Variants in SLC6A11 observed in about 807,000 individuals in gnomAD.
The protein encoded by SLC6A11 is solute carrier family 6 member 11, also known as sodium- and chloride-dependent GABA transporter 3.
A neutral mutation model predicts 74.8 loss-of-function variants in SLC6A11; 25 were observed. That is an observed-to-expected ratio of 0.33 (90% CI 0.24 to 0.47). The LOEUF (loss-of-function observed/expected upper bound fraction) is 0.47. SLC6A11 is among the 20% of genes least tolerant of loss of function. The probability of loss-of-function intolerance (pLI) is 1.00; values close to 1 mark genes in which losing one functional copy is unlikely to be tolerated. For missense variants in SLC6A11, 574 were observed against 837.0 expected (o/e 0.69, Z 3.88); for synonymous variants, 330 against 330.2 (o/e 1.00, Z 0.01).
intron 7 of SLC6A11, among the ~76,000 whole-genome samples, chr3:10,916,798 C>G (rs1338752416): frequency 6.6e-6 from 1 of 152,106 alleles, no homozygotes; most frequent in Non-Finnish European, 1.5e-5. Flanking sequence ...TTCTGTTATC[C>G]AAGCACCTTG....
chr3:10,833,899 G>A (rs1378718650), intron 4 of SLC6A11, among the ~76,000 whole-genome samples: 1 of 152,224 alleles, frequency 6.6e-6, no homozygotes, highest in East Asian at 1.9e-4. Flanking sequence ...GTATAGAACA[G>A]GAAGCAGCAA....
At chr3:10,830,060 G>GA (rs1205364699) in intron 4 of SLC6A11, among the ~76,000 whole-genome samples, 99 of 147,764 alleles carry the variant, frequency 6.7e-4, no homozygotes, top group East Asian at 3.7e-3. Context: ...TGGGAAGTAG[G>GA]AAAAAAAAAA....
intron 6 of SLC6A11, among the ~76,000 whole-genome samples, chr3:10,903,616 G>T (rs974741656): frequency 5.3e-5 from 8 of 152,186 alleles, no homozygotes; most frequent in East Asian, 1.9e-4. Context: ...TGCTTATGGT[G>T]CGGGGAAGAG....
chr3:10,819,969 A>G, intron 3 of SLC6A11, 117 bp downstream of exon 3: 1 of 1,114,324 alleles, frequency 9.0e-7, no homozygotes, highest in Non-Finnish European at 1.3e-6. Context: ...CCAGTTTTCT[A>G]GGGTAGTCTT....
At chr3:10,876,784 G>GAA (rs1188533364) in intron 6 of SLC6A11, among the ~76,000 whole-genome samples, 4 of 78,082 alleles carry the variant, frequency 5.1e-5, no homozygotes, top group Non-Finnish European at 6.9e-5. Context: ...GAGAGAGAGA[G>GAA]AAAAAAAAAA....
At chr3:10,893,936 T>G (rs1322617241) in intron 6 of SLC6A11, among the ~76,000 whole-genome samples, 1 of 152,200 alleles carries the variant, frequency 6.6e-6, no homozygotes, top group Non-Finnish European at 1.5e-5. Flanking sequence ...ATTCTTAGTT[T>G]TACAGCTCAA....
At chr3:10,824,744 G>T (rs752741757) in intron 4 of SLC6A11, 2 of 152,160 alleles carry the variant, frequency 1.3e-5, no homozygotes, top group African/African-American at 4.8e-5. Flanking sequence ...TGGTCCTCTT[G>T]ATGGGCATTT....
At chr3:10,877,632 T>C (rs1029029760) in intron 6 of SLC6A11, among the ~76,000 whole-genome samples, 12 of 152,208 alleles carry the variant, frequency 7.9e-5, no homozygotes, top group African/African-American at 2.7e-4. Flanking sequence ...ATCACATTGC[T>C]ATACAAATGG....
At chr3:10,868,747 A>G (rs1269856737) in intron 5 of SLC6A11, among the ~76,000 whole-genome samples, 1 of 152,242 alleles carries the variant, frequency 6.6e-6, no homozygotes, top group African/African-American at 2.4e-5. Flanking sequence ...ATAGTTCAGC[A>G]TAATGCCTGA....
intron 6 of SLC6A11, among the ~76,000 whole-genome samples, chr3:10,880,735 G>C (rs11720592): frequency 0.03 from 4,544 of 152,168 alleles, 115 homozygotes; most frequent in East Asian, 0.11. Flanking sequence ...CACTTGGTGG[G>C]GAGTCCTTCC....
intron 6 of SLC6A11, among the ~76,000 whole-genome samples, chr3:10,904,103 A>G (rs1695274171): frequency 6.6e-6 from 1 of 152,258 alleles, no homozygotes; most frequent in Non-Finnish European, 1.5e-5. Context: ...TAAACTGTAA[A>G]GTGCTATCCA....
intron 3 of SLC6A11, 21 bp downstream of exon 3, chr3:10,819,873 C>G (rs1443880693): frequency 6.2e-7 from 1 of 1,611,450 alleles, no homozygotes; most frequent in Middle Eastern, 1.7e-4. Flanking sequence ...ACGGAGGTCT[C>G]TCTGCTGGTC....
chr3:10,914,874 G>C (rs1289678971), intron 7 of SLC6A11, among the ~76,000 whole-genome samples: 1 of 152,134 alleles, frequency 6.6e-6, no homozygotes, highest in Non-Finnish European at 1.5e-5. Flanking sequence ...GTCAGCATGG[G>C]GACCTCTGTG....
chr3:10,863,143 A>G (rs1222976848), intron 5 of SLC6A11, among the ~76,000 whole-genome samples: 5 of 152,234 alleles, frequency 3.3e-5, no homozygotes, highest in Non-Finnish European at 7.3e-5. Flanking sequence ...CAGAGCCTGT[A>G]GAGATGAATA....
intron 6 of SLC6A11, among the ~76,000 whole-genome samples, chr3:10,886,976 T>G (rs1695050452): frequency 6.6e-6 from 1 of 152,246 alleles, no homozygotes; most frequent in Non-Finnish European, 1.5e-5. Context: ...GCAAAGAATT[T>G]GTCTGTCTTA....
chr3:10,882,718 G>A (rs1019181280), intron 6 of SLC6A11, among the ~76,000 whole-genome samples: 1 of 152,190 alleles, frequency 6.6e-6, no homozygotes, highest in African/African-American at 2.4e-5. Context: ...TCTTCAGAAA[G>A]CGGTATTCTT....
At chr3:10,820,701 T>C (rs1413474646) in intron 3 of SLC6A11, among the ~76,000 whole-genome samples, 2 of 152,236 alleles carry the variant, frequency 1.3e-5, no homozygotes, top group Non-Finnish European at 2.9e-5. Flanking sequence ...GCCCAATCCC[T>C]GTCTAAGCTG....
intron 5 of SLC6A11, 74 bp downstream of exon 5, chr3:10,844,420 A>C: frequency 6.3e-7 from 1 of 1,584,084 alleles, no homozygotes; most frequent in Non-Finnish European, 8.7e-7. Flanking sequence ...AGAGAGTAAC[A>C]GGGAGTTCAT....
chr3:10,934,314 C>A (rs184002511), intron 12 of SLC6A11, 148 bp downstream of exon 12: 131 of 587,458 alleles, frequency 2.2e-4, no homozygotes, highest in Admixed American at 2.0e-4. Context: ...CAAAGCTGCA[C>A]CCATGGGCAC....
Sources: allele counts gnomAD v4.1 joint callset (sites outside exome capture counted in the v4.1 genomes callset), GRCh38; gene constraint gnomAD v4.1.1; transcripts MANE v1.5; gene names NCBI Gene and HGNC (gene_info 2026-07-23, HGNC 2026-07-21).